UVRAG: variants seen among roughly 807,000 people sequenced by gnomAD.
The protein encoded by UVRAG is UV radiation resistance-associated gene protein.
A neutral mutation model predicts 78.0 loss-of-function variants in UVRAG; 19 were observed. That is an observed-to-expected ratio of 0.24 (90% CI 0.17 to 0.36). The LOEUF (loss-of-function observed/expected upper bound fraction) is 0.36, where lower values mean the gene tolerates loss of function less well. Ranked by LOEUF, UVRAG falls within the 10% of genes least tolerant of loss-of-function variation. The probability of loss-of-function intolerance (pLI) is 1.00; values close to 1 mark genes in which losing one functional copy is unlikely to be tolerated. For missense variants in UVRAG, 740 were observed against 853.8 expected (o/e 0.87, Z 1.66); for synonymous variants, 323 against 324.6 (o/e 1.00, Z 0.05).
At chr11:76,117,565 A>G (rs1309247202) in intron 14 of UVRAG, among the ~76,000 whole-genome samples, 2 of 152,228 alleles carry the variant, frequency 1.3e-5, no homozygotes, top group African/African-American at 4.8e-5. Context: ...CCATTTTACT[A>G]TTGATAAAGC....
chr11:75,865,287 CAAAAAAAAAAAA>C (rs1195072746), intron 3 of UVRAG, among the ~76,000 whole-genome samples: 1 of 45,738 alleles, frequency 2.2e-5, no homozygotes, highest in African/African-American at 6.8e-5. Context: ...AACTCCATCT[CAAAAAAAAAAAA>C]AAAAAAAAAA....
chr11:76,060,353 C>T (rs1951059568), intron 12 of UVRAG, among the ~76,000 whole-genome samples: 1 of 152,190 alleles, frequency 6.6e-6, no homozygotes, highest in African/African-American at 2.4e-5. Flanking sequence ...GCATTAGAGT[C>T]TCAAATCTTT....
At chr11:76,132,735 T>C (rs1160831477) in intron 14 of UVRAG, among the ~76,000 whole-genome samples, 1 of 152,116 alleles carries the variant, frequency 6.6e-6, no homozygotes. Flanking sequence ...GTATAAGTCT[T>C]AGAAAGTCAA....
intron 13 of UVRAG, among the ~76,000 whole-genome samples, chr11:76,067,872 T>G (rs1565146558): frequency 6.6e-6 from 1 of 152,160 alleles, no homozygotes; most frequent in African/African-American, 2.4e-5. Context: ...AGGATCCAGT[T>G]TGAGAGTAAA....
At chr11:75,823,615 A>G (rs1280525526) in intron 1 of UVRAG, among the ~76,000 whole-genome samples, 1 of 152,248 alleles carries the variant, frequency 6.6e-6, no homozygotes, top group Non-Finnish European at 1.5e-5. Context: ...TATTACAGGC[A>G]TGAGCGACTG....
intron 7 of UVRAG, among the ~76,000 whole-genome samples, chr11:75,981,476 G>C (rs114849974): frequency 6.6e-6 from 1 of 151,598 alleles, no homozygotes; most frequent in East Asian, 1.9e-4. Context: ...TGTGTGACAG[G>C]GTCTTGCTCT....
At chr11:75,818,008 C>T (rs1180651521) in intron 1 of UVRAG, among the ~76,000 whole-genome samples, 5 of 152,002 alleles carry the variant, frequency 3.3e-5, no homozygotes, top group Admixed American at 1.3e-4. Context: ...TGCAGTAAGC[C>T]GAGATTGCGC....
intron 3 of UVRAG, among the ~76,000 whole-genome samples, chr11:75,878,853 A>AAGAG (rs372988334): frequency 7.1e-6 from 1 of 140,274 alleles, no homozygotes; most frequent in Non-Finnish European, 1.5e-5. Flanking sequence ...AGACCATGGA[A>AAGAG]AGAGAGAGAG....
intron 13 of UVRAG, among the ~76,000 whole-genome samples, chr11:76,085,776 A>C (rs1169285475): frequency 2.0e-5 from 3 of 152,212 alleles, no homozygotes; most frequent in African/African-American, 7.2e-5. Context: ...AGTGGAAGGC[A>C]CATTTAGCAT....
At chr11:76,070,985 T>G (rs142043995) in intron 13 of UVRAG, among the ~76,000 whole-genome samples, 143 of 152,274 alleles carry the variant, frequency 9.4e-4, no homozygotes, top group Non-Finnish European at 1.9e-4. Context: ...AAATGGCAAA[T>G]TTGAGTTGTA....
At chr11:76,004,823 T>A (rs1486267123) in intron 9 of UVRAG, among the ~76,000 whole-genome samples, 2 of 152,152 alleles carry the variant, frequency 1.3e-5, no homozygotes, top group Non-Finnish European at 2.9e-5. Context: ...TTCTTTTGCT[T>A]AACTTTCAAA....
intron 7 of UVRAG, among the ~76,000 whole-genome samples, chr11:75,961,979 A>G (rs1199788233): frequency 2.0e-5 from 3 of 152,160 alleles, no homozygotes; most frequent in Non-Finnish European, 1.5e-5. Flanking sequence ...TACTCTTATT[A>G]AGGAGGCATT....
At chr11:76,009,557 A>G (rs1950012341) in intron 11 of UVRAG, among the ~76,000 whole-genome samples, 1 of 152,184 alleles carries the variant, frequency 6.6e-6, no homozygotes, top group South Asian at 2.1e-4. Context: ...ATCTTTATAG[A>G]TTATTCCCAA....
chr11:76,127,273 A>G (rs1952420167), intron 14 of UVRAG, among the ~76,000 whole-genome samples: 1 of 134,090 alleles, frequency 7.5e-6, no homozygotes. Context: ...GGATGGTAAC[A>G]TAAGTACTAC....
chr11:75,887,212 C>T (rs915261553), intron 4 of UVRAG, among the ~76,000 whole-genome samples: 2 of 152,096 alleles, frequency 1.3e-5, no homozygotes, highest in African/African-American at 4.8e-5. Flanking sequence ...GCGGCGTGCT[C>T]TCGGCTCACT....
intron 8 of UVRAG, among the ~76,000 whole-genome samples, chr11:75,994,524 A>G (rs1245354864): frequency 6.6e-6 from 1 of 152,226 alleles, no homozygotes; most frequent in African/African-American, 2.4e-5. Flanking sequence ...TGAATCCCAC[A>G]TAAATCACAT....
chr11:75,819,058 C>G (rs1440334942), intron 1 of UVRAG, among the ~76,000 whole-genome samples: 4 of 152,154 alleles, frequency 2.6e-5, no homozygotes, highest in Non-Finnish European at 4.4e-5. Context: ...AACCACCTTA[C>G]TAAGGTGTAT....
chr11:76,041,603 C>T (rs923923427), intron 12 of UVRAG, among the ~76,000 whole-genome samples: 2 of 152,214 alleles, frequency 1.3e-5, no homozygotes, highest in Non-Finnish European at 2.9e-5. Context: ...TGGCTGCTGC[C>T]ATGGCCAGTT....
At chr11:76,050,620 CACTT>C (rs1226100203) in intron 12 of UVRAG, among the ~76,000 whole-genome samples, 1 of 152,160 alleles carries the variant, frequency 6.6e-6, no homozygotes, top group Non-Finnish European at 1.5e-5. Context: ...TCTCTTGAGA[CACTT>C]ACAGATAGGA....
Sources: allele counts gnomAD v4.1 joint callset (sites outside exome capture counted in the v4.1 genomes callset), GRCh38; gene constraint gnomAD v4.1.1; transcripts MANE v1.5; gene names NCBI Gene and HGNC (gene_info 2026-07-23, HGNC 2026-07-21).